Variants in HHLA1 observed in about 807,000 individuals in gnomAD.
HHLA1 encodes HHLA1 neighbor of OC90, also known as HERV-H LTR-associating protein 1.
In HHLA1, 72 loss-of-function variants were observed where a neutral mutation model predicts 69.9. That is an observed-to-expected ratio of 1.03 (90% confidence interval 0.85 to 1.25). The LOEUF is 1.25. Ranked by LOEUF, HHLA1 falls within the 50% of genes most tolerant of loss-of-function variation. The pLI, the probability that HHLA1 is intolerant of heterozygous loss-of-function variation, is 0.00. For missense variants in HHLA1, 685 were observed against 642.2 expected, an observed-to-expected ratio of 1.07 and a Z score of -0.72; for synonymous variants, 252 against 233.2, an observed-to-expected ratio of 1.08 and a Z score of -0.73.
chr8:132,102,390 A>G (rs1410190831), intron 3 of HHLA1, among the ~76,000 whole-genome samples: 1 of 152,218 alleles, frequency 6.6e-6, no homozygotes, highest in Non-Finnish European at 1.5e-5. Flanking sequence ...GGTTAGAGGT[A>G]GGTGGGGACT....
chr8:132,073,081 C>G (rs1164675122), intron 14 of HHLA1, among the ~76,000 whole-genome samples: 1 of 152,106 alleles, frequency 6.6e-6, no homozygotes, highest in African/African-American at 2.4e-5. Flanking sequence ...TGTATTCATT[C>G]AATATTATTC....
At chr8:132,099,057 T>C (rs1824072366) in intron 4 of HHLA1, 95 bp from the exon 5 acceptor site, 2 of 968,786 alleles carry the variant, frequency 2.1e-6, no homozygotes, top group South Asian at 1.6e-5. Flanking sequence ...TTCAACTTCT[T>C]TGCACATGTG....
At chr8:132,093,068 C>T (rs1030080666) in intron 7 of HHLA1, among the ~76,000 whole-genome samples, 3 of 152,108 alleles carry the variant, frequency 2.0e-5, no homozygotes, top group African/African-American at 7.2e-5. Context: ...CTAAATAATG[C>T]AGAGAATGGG....
intron 11 of HHLA1, among the ~76,000 whole-genome samples, chr8:132,079,226 A>C (rs937838042): frequency 6.6e-6 from 1 of 152,234 alleles, no homozygotes; most frequent in East Asian, 1.9e-4. Flanking sequence ...GTGTTAAGTC[A>C]TTAACATATT....
intron 5 of HHLA1, among the ~76,000 whole-genome samples, chr8:132,098,473 G>GT (rs1316661985): frequency 2.6e-5 from 4 of 151,948 alleles, no homozygotes; most frequent in Non-Finnish European, 5.9e-5. Flanking sequence ...TTTTGTTTTT[G>GT]TTTTTTGAGG....
In HHLA1 at chr8:132,081,390, T is replaced by C. The variant is rs562110687; in HGVS notation, c.677-1424A>G. Among the ~76,000 whole-genome samples, 3 of 152,272 alleles carry C rather than the reference T, an allele frequency of 2.0e-5. No individual in the cohort carries two copies. The East Asian group carries it at 5.8e-4, about 29-fold the overall frequency. ...TGAGAAGGGAAAGTGGTAAAAGTAT[T>C]GTCCAGTCCTTTTTAAGTTGGTGGC... On this transcript the variant is annotated intron_variant, in intron 10 of 16. Coordinates refer to ENST00000414222, the MANE Select transcript of HHLA1 (RefSeq NM_001145095.3).
At chr8:132,099,178 T>TCC (rs776831338) in intron 4 of HHLA1, among the ~76,000 whole-genome samples, 6 of 152,102 alleles carry the variant, frequency 3.9e-5, no homozygotes, top group Non-Finnish European at 7.4e-5. Context: ...TAAGAGAAAT[T>TCC]CCAATGAAGC....
chr8:132,080,002 T>C (rs575089713), intron 10 of HHLA1, 36 bp from the exon 11 acceptor site: 4 of 1,552,022 alleles, frequency 2.6e-6, no homozygotes, highest in East Asian at 4.9e-5. Flanking sequence ...ATTAACATGC[T>C]TGACACTTTG....
chr8:132,093,143 T>TA (rs1823971175), intron 7 of HHLA1, among the ~76,000 whole-genome samples: 2 of 152,134 alleles, frequency 1.3e-5, no homozygotes, highest in African/African-American at 4.8e-5. Flanking sequence ...CATAGGTAGA[T>TA]AGGTAGGTTA....
intron 3 of HHLA1, among the ~76,000 whole-genome samples, 169 bp from the exon 4 acceptor site, chr8:132,100,303 T>G (rs1824092180): frequency 6.6e-6 from 1 of 152,110 alleles, no homozygotes; most frequent in South Asian, 2.1e-4. Context: ...CTAATACAGT[T>G]TCTAATCTCT....
intron 7 of HHLA1, among the ~76,000 whole-genome samples, chr8:132,092,973 C>T (rs1823968713): frequency 6.6e-6 from 1 of 152,190 alleles, no homozygotes; most frequent in Admixed American, 6.5e-5. Context: ...CATGCCCAGA[C>T]TATCAGACAT....
chr8:132,074,027 C>T (rs1047904552), intron 14 of HHLA1, among the ~76,000 whole-genome samples: 9 of 152,194 alleles, frequency 5.9e-5, no homozygotes, highest in Non-Finnish European at 8.8e-5. Context: ...CTCCCACTTG[C>T]CTCAGAAGTC....
rs774357529 is a variant in HHLA1 at position 132,063,949 on chromosome 8, G to A, written c.*46C>T. The A allele has an allele frequency of 1.5e-4, 167 of 1,124,062 alleles. No individual in the cohort carries two copies. Among genetic ancestry groups the A allele is most frequent in the Middle Eastern group, 2.3e-4 (1 of 4,270 alleles). 69.6% of individuals were successfully genotyped at this position (1,124,062 alleles called of 1,614,324 possible). ...TGGGACAAGAGCCAGGGTGGATGGC[G>A]TATCCCCTGAAGTAATTGTTATGCC... On this transcript the variant is annotated 3_prime_UTR_variant, in exon 17 of 17. Transcript: ENST00000414222.
chr8:132,066,516 G>C (rs1273776224), intron 15 of HHLA1, among the ~76,000 whole-genome samples: 2 of 152,160 alleles, frequency 1.3e-5, no homozygotes, highest in Non-Finnish European at 2.9e-5. Context: ...TGCATCAGAG[G>C]GCTGTGGTGA....
chr8:132,077,681 G>A (rs1317469033), intron 12 of HHLA1, 45 bp downstream of exon 12: 2 of 1,535,008 alleles, frequency 1.3e-6, no homozygotes, highest in African/African-American at 2.8e-5. Flanking sequence ...ACAATGCTAA[G>A]TTTAATTTAA....
chr8:132,065,631 G>C (rs960401135), intron 16 of HHLA1, among the ~76,000 whole-genome samples: 1 of 152,216 alleles, frequency 6.6e-6, no homozygotes, highest in Non-Finnish European at 1.5e-5. Context: ...TAAGAGATTT[G>C]CCTGAGTTCA....
intron 2 of HHLA1, among the ~76,000 whole-genome samples, chr8:132,104,665 G>A (rs954449504): frequency 3.3e-5 from 5 of 152,208 alleles, no homozygotes; most frequent in Admixed American, 6.5e-5. Context: ...AAGGCCAACA[G>A]TGATGGGGGC....
intron 5 of HHLA1, among the ~76,000 whole-genome samples, chr8:132,096,841 G>T (rs1005303960): frequency 2.0e-5 from 3 of 152,116 alleles, no homozygotes; most frequent in African/African-American, 7.2e-5. Flanking sequence ...ACAGGGTCTT[G>T]CTCTGTCACT....
intron 10 of HHLA1, chr8:132,080,463 C>G (rs1011192771): frequency 7.8e-6 from 2 of 257,398 alleles, no homozygotes; most frequent in Non-Finnish European, 1.5e-5. Context: ...AGTGGGGGTG[C>G]TTTTTGAGCC....
Sources: gnomAD v4.1 joint callset for allele counts (sites outside exome capture counted in the v4.1 genomes callset) on GRCh38, gnomAD v4.1.1 for gene constraint, MANE v1.5 for transcripts, NCBI Gene and HGNC (gene_info 2026-07-23, HGNC 2026-07-21) for gene names.